The following ARK2C variants were observed in gnomAD, a reference collection of about 807,000 sequenced individuals.
ARK2C encodes the protein E3 ubiquitin-protein ligase ARK2C.
chr18:46,367,020 C>T, the ARK2C span, among the ~76,000 whole-genome samples: 2 of 152,014 alleles, frequency 1.3e-5, no homozygotes, highest in African/African-American at 4.8e-5. Flanking sequence ...TACTTAGTTT[C>T]CAAGAAAAAA....
the ARK2C span, among the ~76,000 whole-genome samples, chr18:46,389,535 C>T: frequency 6.6e-6 from 1 of 152,168 alleles, no homozygotes; most frequent in East Asian, 1.9e-4. Flanking sequence ...TCTCCCACCC[C>T]GGTCTAGAGT....
At chr18:46,359,493 G>A in the ARK2C span, among the ~76,000 whole-genome samples, 12 of 152,326 alleles carry the variant, frequency 7.9e-5, no homozygotes, top group South Asian at 2.5e-3. Context: ...TTAGAGGCCA[G>A]GGCTCATGGC....
the ARK2C span, among the ~76,000 whole-genome samples, chr18:46,454,855 C>T: frequency 2.6e-5 from 4 of 152,170 alleles, no homozygotes; most frequent in East Asian, 5.8e-4. Flanking sequence ...ATTTCGCTCA[C>T]GACTAGATTT....
the ARK2C span, among the ~76,000 whole-genome samples, chr18:46,385,019 C>G: frequency 2.0e-5 from 3 of 152,206 alleles, no homozygotes; most frequent in African/African-American, 7.2e-5. Context: ...GTTCCCTCCC[C>G]CTCAAAGATT....
the ARK2C span, among the ~76,000 whole-genome samples, chr18:46,408,860 G>C: frequency 6.6e-6 from 1 of 152,192 alleles, no homozygotes; most frequent in Non-Finnish European, 1.5e-5. Context: ...CAGTGGTACT[G>C]TTATCTGTTT....
chr18:46,362,314 G>A, the ARK2C span, among the ~76,000 whole-genome samples: 62 of 152,312 alleles, frequency 4.1e-4, no homozygotes, highest in African/African-American at 1.5e-3. Flanking sequence ...CTTAGGCCTC[G>A]GTTTACTGTC....
chr18:46,436,276 A>G, the ARK2C span, among the ~76,000 whole-genome samples: 1 of 151,560 alleles, frequency 6.6e-6, no homozygotes, highest in South Asian at 2.1e-4. Context: ...GTATATATGT[A>G]TGTGTGTGTG....
At chr18:46,373,994 G>A in the ARK2C span, among the ~76,000 whole-genome samples, 2 of 152,114 alleles carry the variant, frequency 1.3e-5, no homozygotes, top group Non-Finnish European at 2.9e-5. Context: ...GGTAAACCCA[G>A]GCCCCTCATG....
chr18:46,387,917 C>T, the ARK2C span, among the ~76,000 whole-genome samples: 1 of 152,250 alleles, frequency 6.6e-6, no homozygotes, highest in Non-Finnish European at 1.5e-5. Flanking sequence ...CACGCCTAAT[C>T]AACCGTGGCA....
chr18:46,352,575 T>G, the ARK2C span, among the ~76,000 whole-genome samples: 1 of 152,200 alleles, frequency 6.6e-6, no homozygotes, highest in Non-Finnish European at 1.5e-5. Flanking sequence ...TCTCTCTTGT[T>G]GCTCCACCCT....
chr18:46,442,103 C>T, the ARK2C span, among the ~76,000 whole-genome samples: 1 of 148,446 alleles, frequency 6.7e-6, no homozygotes, highest in African/African-American at 2.5e-5. Flanking sequence ...GCGGAGCTTG[C>T]AGTGAGTCGA....
chr18:46,376,584 C>T, the ARK2C span, among the ~76,000 whole-genome samples: 3 of 151,950 alleles, frequency 2.0e-5, no homozygotes, highest in Admixed American at 6.5e-5. Flanking sequence ...AGATTATGCC[C>T]CTGTGACTTG....
At chr18:46,441,148 G>A in the ARK2C span, among the ~76,000 whole-genome samples, 1 of 152,096 alleles carries the variant, frequency 6.6e-6, no homozygotes, top group Non-Finnish European at 1.5e-5. Context: ...ACTGTGCCCA[G>A]CTAACTTTTT....
At chr18:46,394,525 A>C in the ARK2C span, among the ~76,000 whole-genome samples, 1 of 152,192 alleles carries the variant, frequency 6.6e-6, no homozygotes, top group Non-Finnish European at 1.5e-5. Context: ...AGCCAGGCTG[A>C]GTGCCCACTC....
At chr18:46,412,035 C>T in the ARK2C span, among the ~76,000 whole-genome samples, 14 of 152,300 alleles carry the variant, frequency 9.2e-5, no homozygotes, top group East Asian at 2.7e-3. Flanking sequence ...CAGAGGTATT[C>T]GAGTCAGTTG....
chr18:46,441,989 C>T, the ARK2C span, among the ~76,000 whole-genome samples: 1 of 151,144 alleles, frequency 6.6e-6, no homozygotes, highest in East Asian at 1.9e-4. Context: ...ACGGTGAAAC[C>T]CCGTCTCTAC....
the ARK2C span, chr18:46,336,277 A>G: frequency 1.0e-6 from 1 of 985,316 alleles, no homozygotes; most frequent in Non-Finnish European, 1.2e-6. Context: ...AATACCACCA[A>G]TCTCTAAATA....
chr18:46,421,512 A>T, the ARK2C span, among the ~76,000 whole-genome samples: 1 of 152,234 alleles, frequency 6.6e-6, no homozygotes, highest in East Asian at 1.9e-4. Context: ...TATGCCTTCC[A>T]CAAAATGCCT....
the ARK2C span, among the ~76,000 whole-genome samples, chr18:46,359,203 T>C: frequency 3.3e-5 from 5 of 152,370 alleles, no homozygotes; most frequent in South Asian, 4.1e-4. Flanking sequence ...TTCTGCATGA[T>C]GCCAGGCCCA....
Sources: allele counts gnomAD v4.1 joint callset (sites outside exome capture counted in the v4.1 genomes callset), GRCh38; gene constraint gnomAD v4.1.1; transcripts MANE v1.5; gene names NCBI Gene and HGNC (gene_info 2026-07-23, HGNC 2026-07-21).